Variants in NECTIN1 observed in about 807,000 individuals in gnomAD.
NECTIN1 encodes the protein nectin cell adhesion molecule 1.
NECTIN1 carries 23 observed loss-of-function variants against 48.0 expected under a neutral mutation model. The ratio of observed to expected loss-of-function variants is 0.48; its 90% CI spans 0.34 to 0.68. NECTIN1 has a LOEUF of 0.68. NECTIN1 is among the 30% of genes least tolerant of loss of function. NECTIN1 has a pLI of 0.01. For missense variants in NECTIN1, 591 were observed against 709.9 expected, an observed-to-expected ratio of 0.83 and a Z score of 1.90; for synonymous variants, 270 against 288.9, an observed-to-expected ratio of 0.93 and a Z score of 0.66.
chr11:119,723,565 T>C (rs541948756), intron 1 of NECTIN1, among the ~76,000 whole-genome samples: 1 of 152,336 alleles, frequency 6.6e-6, no homozygotes, highest in East Asian at 1.9e-4. Context: ...TCTATTGCCC[T>C]GAAGATTCTA....
intron 5 of NECTIN1, among the ~76,000 whole-genome samples, chr11:119,649,562 G>C (rs1455717748): frequency 6.6e-6 from 1 of 150,658 alleles, no homozygotes; most frequent in East Asian, 2.0e-4. Flanking sequence ...TGGCAGTGTG[G>C]GCCTGTAGTC....
chr11:119,697,976 G>C (rs1259685234), intron 1 of NECTIN1, among the ~76,000 whole-genome samples: 2 of 152,240 alleles, frequency 1.3e-5, no homozygotes, highest in Non-Finnish European at 2.9e-5. Context: ...CTCCTTACCA[G>C]GGACAGGGAA....
intron 1 of NECTIN1, among the ~76,000 whole-genome samples, chr11:119,702,385 A>G (rs998900251): frequency 6.6e-6 from 1 of 152,218 alleles, no homozygotes; most frequent in East Asian, 1.9e-4. Flanking sequence ...GCCTTTTGAT[A>G]CAGAGCCTGG....
At chr11:119,674,441 C>G in intron 5 of NECTIN1, 1 of 1,585,062 alleles carries the variant, frequency 6.3e-7, no homozygotes. Flanking sequence ...GTGCTAGGTG[C>G]TTGACTTACA....
chr11:119,648,289 A>ATGGTGGTGATGG (rs1864431365), intron 5 of NECTIN1, among the ~76,000 whole-genome samples: 2 of 10,752 alleles, frequency 1.9e-4, no homozygotes, highest in Non-Finnish European at 3.9e-4. Flanking sequence ...GGTGGTGGTG[A>ATGGTGGTGATGG]TGGTGGTGGT....
At chr11:119,688,181 T>C (rs1170872822) in intron 1 of NECTIN1, among the ~76,000 whole-genome samples, 6 of 152,216 alleles carry the variant, frequency 3.9e-5, no homozygotes, top group Non-Finnish European at 7.3e-5. Context: ...GGGCCAGTAA[T>C]AGTACTATCT....
At position 119,727,212 on chromosome 11, in the gene NECTIN1, C is replaced by T. The variant is rs11603579; in HGVS notation, c.79+1263G>A. Among the ~76,000 whole-genome samples the T allele has an allele frequency of 2.0e-5, 3 of 152,164 alleles. No individual in the cohort carries two copies. The highest frequency in any genetic ancestry group is 4.4e-5 in the Non-Finnish European group (3 of 68,020). ...GCCTTCCAGGAGTGCACCCTAGCCC[C>T]GGAACTAGGCAGCCAGACTGTTCCC... On this transcript the variant is annotated intron_variant, in intron 1 of 5. Transcript: ENST00000264025. The surrounding 1 kb of genome is among the most constrained non-coding windows in gnomAD (Gnocchi z 4.1).
intron 1 of NECTIN1, among the ~76,000 whole-genome samples, chr11:119,702,039 T>C (rs1182015441): frequency 6.6e-6 from 1 of 152,190 alleles, no homozygotes; most frequent in Non-Finnish European, 1.5e-5. Flanking sequence ...AAATGCAATT[T>C]AATGAAGTCC....
downstream of NECTIN1, among the ~76,000 whole-genome samples, chr11:119,657,874 T>TTG (rs549960444): frequency 9.0e-5 from 13 of 144,536 alleles, no homozygotes; most frequent in African/African-American, 2.8e-4. Context: ...TGAGCTGTGA[T>TTG]TGTGCCACTG....
In NECTIN1 at chr11:119,678,630, T is replaced by C; in HGVS notation, c.215A>G (p.Asn72Ser). 1 of 1,614,112 alleles carries C rather than the reference T, an allele frequency of 6.2e-7. No individual in the cohort carries two copies. Among genetic ancestry groups the C allele is most frequent in the African/African-American group, 1.3e-5 (1 of 75,046 alleles). The part of the protein sequence containing the change: ...ITQVTWQKST[N>S]GSKQNVAIYN... ...GATGGCCACGTTCTGCTTGGAGCCA[T>C]TGGTGGACTTCTGCCATGTGACCTG... The change falls in exon 2 of 6, where the codon AAT (asparagine) becomes AGT (serine). Residue 72 changes from asparagine (N) to serine (S), a missense_variant. Transcript: ENST00000264025. This position sits in a 1 kb window ranked among gnomAD's most constrained non-coding sequence, Gnocchi z 4.4.
chr11:119,719,547 A>G (rs1267462755), intron 1 of NECTIN1, among the ~76,000 whole-genome samples: 1 of 152,192 alleles, frequency 6.6e-6, no homozygotes, highest in Admixed American at 6.5e-5. Context: ...TACCTTCCAT[A>G]TGAGTTGTTA....
rs1864702776 is a variant in NECTIN1, at chr11:119,663,403, G to A, written c.*1344C>T. On this transcript the variant is annotated 3_prime_UTR_variant, in exon 6 of 6. Transcript: ENST00000264025. ...CCCATTCAAGAAGGGAATCTGCACTGAAAGGGAGGGCTTCTCCTAGGCCCT... is the reference window on the plus strand; with the variant it reads ...CCCATTCAAGAAGGGAATCTGCACTAAAAGGGAGGGCTTCTCCTAGGCCCT... The A allele has an allele frequency of 7.1e-6, 7 of 985,506 alleles. No individual in the cohort carries two copies. Among genetic ancestry groups the A allele is most frequent in the Non-Finnish European group, 8.4e-6 (7 of 829,968 alleles). The allele number at this position is 985,506 out of a possible 1,614,324, so 61.0% of individuals were successfully genotyped here. A position where few individuals can be genotyped will look rare whatever the true frequency, so the allele number is the denominator to read the frequency against.
At chr11:119,706,590 C>T (rs1865551926) in intron 1 of NECTIN1, among the ~76,000 whole-genome samples, 1 of 152,200 alleles carries the variant, frequency 6.6e-6, no homozygotes, top group African/African-American at 2.4e-5. Flanking sequence ...GTATTGATTG[C>T]TTTCAAGTCG....
chr11:119,695,092 C>A (rs74334462), intron 1 of NECTIN1, among the ~76,000 whole-genome samples: 1 of 152,134 alleles, frequency 6.6e-6, no homozygotes, highest in Non-Finnish European at 1.5e-5. Flanking sequence ...GTTAGGTAAT[C>A]CGTCTCCCCA....
Position 119,683,592 on chromosome 11 carries a change from G to A in NECTIN1, c.80-4827C>T, listed in dbSNP as rs574277194. On this transcript the variant is annotated intron_variant, in intron 1 of 5. Coordinates refer to ENST00000264025, the MANE Select transcript of NECTIN1 (RefSeq NM_002855.5). This position sits in a 1 kb window ranked among gnomAD's most constrained non-coding sequence, Gnocchi z 4.0. ...ATCCCGGGTGTGTGTGTGTGTGTGT[G>A]TGTGTGTGTGTGTGTGTGGGCACTT... Among the ~76,000 whole-genome samples the A allele has an allele frequency of 2.0e-5, 3 of 151,866 alleles. No homozygotes were observed. The highest frequency in any genetic ancestry group is 7.3e-5 in the African/African-American group (3 of 41,376).
chr11:119,667,183 G>A (rs1742195463), intron 5 of NECTIN1, among the ~76,000 whole-genome samples: 1 of 152,124 alleles, frequency 6.6e-6, no homozygotes, highest in Non-Finnish European at 1.5e-5. Context: ...GCCCTCAAAA[G>A]GGCCCCGCAA....
chr11:119,693,125 GA>G (rs1865288647), intron 1 of NECTIN1, among the ~76,000 whole-genome samples: 1 of 152,152 alleles, frequency 6.6e-6, no homozygotes, highest in Non-Finnish European at 1.5e-5. Context: ...CTCCAGACAT[GA>G]AAAGCCCCCA....
At chr11:119,726,029 C>T (rs1315843584) in intron 1 of NECTIN1, among the ~76,000 whole-genome samples, 2 of 152,214 alleles carry the variant, frequency 1.3e-5, no homozygotes. Flanking sequence ...TTAGTAAAGT[C>T]TGTGTTGTTG....
At chr11:119,650,002 G>A (rs926372399) in intron 5 of NECTIN1, among the ~76,000 whole-genome samples, 12 of 152,128 alleles carry the variant, frequency 7.9e-5, no homozygotes, top group African/African-American at 2.7e-4. Flanking sequence ...GTCAGCGAAG[G>A]GAGATAGGGG....
Sources: allele counts gnomAD v4.1 joint callset (sites outside exome capture counted in the v4.1 genomes callset), GRCh38; gene constraint gnomAD v4.1.1; non-coding constraint Gnocchi (gnomAD v3.1); transcripts MANE v1.5; gene names NCBI Gene and HGNC (gene_info 2026-07-23, HGNC 2026-07-21).